Variants in ZDHHC11 observed in about 807,000 individuals in gnomAD.
ZDHHC11 encodes the protein palmitoyltransferase ZDHHC11.
In ZDHHC11, 44 loss-of-function variants were observed where a neutral mutation model predicts 51.3. The ratio of observed to expected loss-of-function variants is 0.86; its 90% CI spans 0.67 to 1.10. The LOEUF is 1.10. Among genes scored for constraint, ZDHHC11 ranks in the 50% least tolerant of loss-of-function variants. The pLI is 0.00. For synonymous variants in ZDHHC11, 163 were observed against 222.0 expected (o/e 0.73, Z 2.36); for missense variants, 400 against 537.7 (o/e 0.74, Z 2.53).
At chr5:819,769 C>T (rs1237528252) in intron 9 of ZDHHC11, among the ~76,000 whole-genome samples, 157 bp from the exon 10 acceptor site, 1 of 151,294 alleles carries the variant, frequency 6.6e-6, no homozygotes, top group African/African-American at 2.4e-5. Flanking sequence ...TGTGTGAGTG[C>T]TCCCGGGTTA....
intron 7 of ZDHHC11, 103 bp from the exon 8 acceptor site, chr5:825,354 G>T (rs1742197309): frequency 8.4e-7 from 1 of 1,186,268 alleles, no homozygotes; most frequent in Non-Finnish European, 1.2e-6. Flanking sequence ...ACTGCTGTGG[G>T]GCACACATGT....
chr5:814,909 G>C lies in ZDHHC11; in HGVS notation c.1147-114C>G, dbSNP rs184343213. 67 of 1,074,968 alleles carry C rather than the reference G, an allele frequency of 6.2e-5. 1 individual carries two copies. The African/African-American group carries it at 9.6e-4, about 15-fold the overall frequency. The allele number at this position is 1,074,968 out of a possible 1,614,324, so 66.6% of individuals were successfully genotyped here. The stretch of plus-strand genomic sequence containing the variant: ...TCAGTTCTGAGTAATGGTACTTCAA[G>C]AATGCCTGGATCATGGAATAGGATC... On this transcript the variant is annotated intron_variant, in intron 10 of 12. Transcript: ENST00000283441.
At chr5:838,520 C>T (rs375002865) in intron 5 of ZDHHC11, among the ~76,000 whole-genome samples, 1 of 152,126 alleles carries the variant, frequency 6.6e-6, no homozygotes, top group African/African-American at 2.4e-5. Flanking sequence ...GGATGCGTCT[C>T]ACCACAGCCT....
At chr5:833,360 C>T (rs1367322344) in intron 7 of ZDHHC11, among the ~76,000 whole-genome samples, 1 of 150,322 alleles carries the variant, frequency 6.7e-6, no homozygotes, top group African/African-American at 2.4e-5. Flanking sequence ...CCCCAGTGCT[C>T]CCATTTACTT....
At position 821,794 on chromosome 5, in the gene ZDHHC11, G is replaced by A. The variant is rs1430452202; in HGVS notation, c.1058+67C>T. The A allele has an allele frequency of 1.4e-5, 20 of 1,421,614 alleles. No homozygotes were observed. The East Asian group carries it at 1.6e-4, about 11-fold the overall frequency. The allele number at this position is 1,421,614 out of a possible 1,614,324, so 88.1% of individuals were successfully genotyped here. A position where few individuals can be genotyped will look rare whatever the true frequency, so the allele number is the denominator to read the frequency against. On this transcript the variant is annotated intron_variant, in intron 9 of 12. Coordinates refer to ENST00000283441, the MANE Select transcript of ZDHHC11 (RefSeq NM_024786.3). ...GATGACATATTTTCCTAAGTAATTC[G>A]AGATGAGACGAGTGTATAACTATGT...
At chr5:802,825 C>A (rs1329641231) in intron 11 of ZDHHC11, among the ~76,000 whole-genome samples, 12 of 19,106 alleles carry the variant, frequency 6.3e-4, no homozygotes, top group Non-Finnish European at 1.2e-3. Context: ...TACAAAAATA[C>A]AAAAAAAAAA....
chr5:831,248 T>C (rs1447146948), intron 7 of ZDHHC11, among the ~76,000 whole-genome samples: 1 of 149,520 alleles, frequency 6.7e-6, no homozygotes, highest in Non-Finnish European at 1.5e-5. Context: ...AAAGGACTAG[T>C]ATCCAGAATC....
intron 11 of ZDHHC11, among the ~76,000 whole-genome samples, chr5:812,569 T>C (rs1156323871): frequency 6.6e-6 from 1 of 151,296 alleles, no homozygotes; most frequent in Admixed American, 6.6e-5. Context: ...TAATATCTGG[T>C]GCTGAAAAGG....
chr5:837,040 G>T (rs755190116), intron 6 of ZDHHC11, among the ~76,000 whole-genome samples: 1 of 151,600 alleles, frequency 6.6e-6, no homozygotes, highest in Non-Finnish European at 1.5e-5. Flanking sequence ...CTGGGCAACA[G>T]AGCGAGACTC....
chr5:838,730 C>G (rs561631226), intron 5 of ZDHHC11, among the ~76,000 whole-genome samples: 42 of 152,296 alleles, frequency 2.8e-4, no homozygotes, highest in African/African-American at 9.6e-4. Flanking sequence ...CAGTGCCTGG[C>G]TCAGAGGACA....
At chr5:846,534 G>C (rs1579789180) in intron 3 of ZDHHC11, among the ~76,000 whole-genome samples, 2 of 149,228 alleles carry the variant, frequency 1.3e-5, no homozygotes, top group Admixed American at 6.6e-5. Flanking sequence ...CCGTGCTCAG[G>C]GGAAACACGT....
intron 8 of ZDHHC11, among the ~76,000 whole-genome samples, chr5:824,820 C>T (rs1159395871): frequency 1.3e-5 from 2 of 151,346 alleles, no homozygotes; most frequent in Admixed American, 1.3e-4. Context: ...ACCAATTTCC[C>T]TCCATCCTTT....
chr5:848,801 C>T (rs1224412128), intron 1 of ZDHHC11, 141 bp from the exon 2 acceptor site: 1 of 1,276,282 alleles, frequency 7.8e-7, no homozygotes, highest in Non-Finnish European at 1.1e-6. Context: ...CCAGCTCACC[C>T]AGGCCTGGCC....
chr5:804,017 G>C (rs1738878035), intron 11 of ZDHHC11, among the ~76,000 whole-genome samples: 1 of 150,454 alleles, frequency 6.6e-6, no homozygotes, highest in Admixed American at 6.6e-5. Flanking sequence ...CACCATCAAG[G>C]GTACCAACAT....
chr5:797,095 T>C (rs1189287478), intron 12 of ZDHHC11, among the ~76,000 whole-genome samples: 1 of 150,980 alleles, frequency 6.6e-6, no homozygotes, highest in African/African-American at 2.4e-5. Context: ...TAGGCCCAGC[T>C]ACTCAGGAAG....
At chr5:860,245 C>T (rs1379133169), upstream of ZDHHC11, among the ~76,000 whole-genome samples, 3 of 152,318 alleles carry the variant, frequency 2.0e-5, no homozygotes, top group East Asian at 5.8e-4. The surrounding 1 kb of genome is among the most constrained non-coding windows in gnomAD (Gnocchi z 4.2). Context: ...GCTGCTCTGG[C>T]CAGAGAGGCT....
intron 1 of ZDHHC11, among the ~76,000 whole-genome samples, chr5:858,412 T>C (rs534022583): frequency 6.6e-6 from 1 of 151,050 alleles, no homozygotes; most frequent in Non-Finnish European, 1.5e-5. Context: ...CCTGTCTTTA[T>C]GACACCGTGG....
At chr5:804,081 T>A (rs1273301186) in intron 11 of ZDHHC11, among the ~76,000 whole-genome samples, 1 of 150,818 alleles carries the variant, frequency 6.6e-6, no homozygotes, top group African/African-American at 2.4e-5. Flanking sequence ...GCAGAAAAAA[T>A]ACAGTGTTCG....
intron 11 of ZDHHC11, among the ~76,000 whole-genome samples, chr5:802,819 A>T (rs1433827668): frequency 7.8e-6 from 1 of 128,356 alleles, no homozygotes; most frequent in Non-Finnish European, 1.6e-5. Flanking sequence ...TAAAAATACA[A>T]AAATACAAAA....
Sources: gnomAD v4.1 joint callset for allele counts (sites outside exome capture counted in the v4.1 genomes callset) on GRCh38, gnomAD v4.1.1 for gene constraint, Gnocchi (gnomAD v3.1) non-coding constraint, MANE v1.5 for transcripts, NCBI Gene and HGNC (gene_info 2026-07-23, HGNC 2026-07-21) for gene names.